NCAM2: variants seen among roughly 807,000 people sequenced by gnomAD.
NCAM2 encodes N-CAM-2.
In NCAM2, 30 loss-of-function variants were observed where a neutral mutation model predicts 98.1. The ratio of observed to expected loss-of-function variants is 0.31; its 90% CI spans 0.23 to 0.41. NCAM2 has a LOEUF of 0.41. Ranked by LOEUF, NCAM2 falls within the 10% of genes least tolerant of loss-of-function variation. The pLI is 1.00. For missense variants in NCAM2, 867 were observed against 1,005.8 expected (o/e 0.86, Z 1.87); for synonymous variants, 368 against 342.4 (o/e 1.07, Z -0.83).
intron 8 of NCAM2, among the ~76,000 whole-genome samples, chr21:21,355,324 AC>A (rs1367010108): frequency 6.6e-6 from 1 of 150,756 alleles, no homozygotes; most frequent in Non-Finnish European, 1.5e-5. Context: ...AGTTCCAGCT[AC>A]TCGGGACGGG....
chr21:21,230,222 A>C (rs1034544229), intron 1 of NCAM2, among the ~76,000 whole-genome samples: 1 of 151,242 alleles, frequency 6.6e-6, no homozygotes. Flanking sequence ...TTACTCTATA[A>C]TGTATTAAAA....
At chr21:21,413,166 C>T (rs2076921585) in intron 10 of NCAM2, among the ~76,000 whole-genome samples, 2 of 152,014 alleles carry the variant, frequency 1.3e-5, no homozygotes, top group African/African-American at 2.4e-5. Flanking sequence ...TGACCACATC[C>T]TGAGGAAATT....
rs750263475 is a variant in NCAM2, at chr21:21,234,109, G to T, written c.56-46469G>T. On this transcript the variant is annotated intron_variant, in intron 1 of 17. Transcript: ENST00000400546. ...AGAGATTTTACTAGTATTAGTGTAA[G>T]GAAAATTTATTAATATTGGATTGCC... 9.2e-4 allele frequency among the ~76,000 whole-genome samples: 139 copies of T among 151,844 alleles called. 2 individuals are homozygous for T. The highest frequency in any genetic ancestry group is 1.8e-3 in the Non-Finnish European group (122 of 67,774).
chr21:21,142,383 T>TTG, intron 1 of NCAM2, among the ~76,000 whole-genome samples: 1 of 142,108 alleles, frequency 7.0e-6, no homozygotes, highest in South Asian at 2.3e-4. Context: ...TTATGTTTTT[T>TTG]TTTTTTTTTT....
At chr21:21,468,872 G>A in intron 14 of NCAM2, 89 bp downstream of exon 14, 1 of 1,136,888 alleles carries the variant, frequency 8.8e-7, no homozygotes, top group Admixed American at 2.6e-5. Context: ...AGGAGAGAAT[G>A]TGTATTTAGT....
At chr21:21,111,820 C>G (rs2066460359) in intron 1 of NCAM2, among the ~76,000 whole-genome samples, 1 of 152,068 alleles carries the variant, frequency 6.6e-6, no homozygotes, top group South Asian at 2.1e-4. Flanking sequence ...ACATTCCACT[C>G]CACTAAAAGA....
chr21:21,393,311 G>C (rs188846389), intron 9 of NCAM2, among the ~76,000 whole-genome samples: 1 of 152,090 alleles, frequency 6.6e-6, no homozygotes, highest in Admixed American at 6.5e-5. Flanking sequence ...CTATATGTCT[G>C]CTCTTGTATC....
At chr21:21,356,909 G>A (rs1602090361) in intron 8 of NCAM2, among the ~76,000 whole-genome samples, 2 of 152,166 alleles carry the variant, frequency 1.3e-5, no homozygotes, top group East Asian at 3.9e-4. Context: ...AGAATCGCTT[G>A]AATCCCGGAG....
chr21:21,426,701 A>G (rs1365235992), intron 11 of NCAM2, among the ~76,000 whole-genome samples: 1 of 152,154 alleles, frequency 6.6e-6, no homozygotes, highest in African/African-American at 2.4e-5. Context: ...TCTCATTCAT[A>G]TCTGCAGAGC....
chr21:21,259,035 G>A (rs1332210453), intron 1 of NCAM2, among the ~76,000 whole-genome samples: 1 of 152,152 alleles, frequency 6.6e-6, no homozygotes, highest in Non-Finnish European at 1.5e-5. Context: ...ATTCATTGCT[G>A]AAGATGAAGC....
At chr21:21,120,167 T>C (rs1267039113) in intron 1 of NCAM2, among the ~76,000 whole-genome samples, 2 of 152,338 alleles carry the variant, frequency 1.3e-5, no homozygotes, top group East Asian at 3.9e-4. Flanking sequence ...TTTATTAGTT[T>C]GTTAGGTAGA....
intron 1 of NCAM2, among the ~76,000 whole-genome samples, chr21:21,051,452 T>A (rs936235674): frequency 6.6e-6 from 1 of 152,206 alleles, no homozygotes; most frequent in South Asian, 2.1e-4. Context: ...AGTTATAACT[T>A]TTCATGTAGT....
At chr21:21,007,287 C>CT (rs948022409) in intron 1 of NCAM2, among the ~76,000 whole-genome samples, 2 of 151,988 alleles carry the variant, frequency 1.3e-5, no homozygotes, top group East Asian at 1.9e-4. Context: ...ATTCCCAGCG[C>CT]TTTTTTTTGG....
At chr21:21,327,846 A>G (rs1322769888) in intron 6 of NCAM2, among the ~76,000 whole-genome samples, 2 of 152,222 alleles carry the variant, frequency 1.3e-5, no homozygotes, top group African/African-American at 2.4e-5. Flanking sequence ...ATTAAAGACC[A>G]TAATAGGGGA....
At chr21:21,284,979 C>G (rs2073052259) in intron 3 of NCAM2, among the ~76,000 whole-genome samples, 1 of 151,616 alleles carries the variant, frequency 6.6e-6, no homozygotes, top group Non-Finnish European at 1.5e-5. Context: ...ATTTAAGAAC[C>G]ATTAACCTGT....
At chr21:21,049,092 C>G (rs2065056073) in intron 1 of NCAM2, among the ~76,000 whole-genome samples, 1 of 144,646 alleles carries the variant, frequency 6.9e-6, no homozygotes, top group Non-Finnish European at 1.5e-5. Context: ...AATCTCGGCT[C>G]ACTGCAAGCT....
chr21:21,512,619 G>T (rs957340016), intron 16 of NCAM2, among the ~76,000 whole-genome samples: 1 of 151,676 alleles, frequency 6.6e-6, no homozygotes, highest in Non-Finnish European at 1.5e-5. Flanking sequence ...TTCTATTTCT[G>T]TGAAGAATGT....
intron 1 of NCAM2, among the ~76,000 whole-genome samples, chr21:21,061,930 G>GT (rs1402112002): frequency 5.9e-5 from 9 of 152,062 alleles, no homozygotes; most frequent in Non-Finnish European, 8.8e-5. Context: ...ATCACTTTGT[G>GT]TTTTTTATGT....
chr21:21,210,865 G>C lies in NCAM2; in HGVS notation c.56-69713G>C, dbSNP rs553514832. ...CAGTGGTGTGGGGTAAGGCAGAGGAGGGGGAGAGTTGGGAGGGTGGGAAAT... is the reference window on the plus strand; with the variant it reads ...CAGTGGTGTGGGGTAAGGCAGAGGACGGGGAGAGTTGGGAGGGTGGGAAAT... On this transcript the variant is annotated intron_variant, in intron 1 of 17. Transcript: ENST00000400546. 1.4e-3 allele frequency among the ~76,000 whole-genome samples: 210 copies of C among 151,898 alleles called. 1 individual carries two copies. The highest frequency in any genetic ancestry group is 3.8e-3 in the African/African-American group (159 of 41,382).
Sources: allele counts gnomAD v4.1 joint callset (sites outside exome capture counted in the v4.1 genomes callset), GRCh38; gene constraint gnomAD v4.1.1; transcripts MANE v1.5; gene names NCBI Gene and HGNC (gene_info 2026-07-23, HGNC 2026-07-21).